Variants in COX16 observed in about 807,000 individuals in gnomAD.
The protein encoded by COX16 is cytochrome c oxidase assembly protein COX16 homolog, mitochondrial.
In COX16, 12 loss-of-function variants were observed where a neutral mutation model predicts 15.4. That is an observed-to-expected ratio of 0.78 (90% confidence interval 0.50 to 1.26). The LOEUF (loss-of-function observed/expected upper bound fraction) is 1.26, where lower values mean the gene tolerates loss of function less well. COX16 is among the 50% of genes most tolerant of loss of function. The pLI, the probability that COX16 is intolerant of heterozygous loss-of-function variation, is 0.00. For synonymous variants in COX16, 46 were observed against 41.1 expected, an observed-to-expected ratio of 1.12 and a Z score of -0.46; for missense variants, 124 against 127.6, an observed-to-expected ratio of 0.97 and a Z score of 0.14.
At chr14:70,355,557 C>G (rs1039952912) in intron 1 of COX16, among the ~76,000 whole-genome samples, 1 of 152,190 alleles carries the variant, frequency 6.6e-6, no homozygotes, top group African/African-American at 2.4e-5. Context: ...ACTGCAAAAT[C>G]TGGAACCTAA....
At chr14:70,358,382 T>TA (rs1566608588) in intron 1 of COX16, among the ~76,000 whole-genome samples, 15 of 146,492 alleles carry the variant, frequency 1.0e-4, no homozygotes, top group African/African-American at 3.7e-4. Flanking sequence ...TTTTTTTTTT[T>TA]TTTTTTTTTT....
chr14:70,343,919 T>G (rs1422071228), intron 1 of COX16, among the ~76,000 whole-genome samples: 2 of 152,118 alleles, frequency 1.3e-5, no homozygotes, highest in Non-Finnish European at 2.9e-5. Flanking sequence ...CTCAAATCAG[T>G]CTCCCCGAGC....
chr14:70,355,200 T>G (rs901155331), intron 1 of COX16, among the ~76,000 whole-genome samples: 1 of 152,198 alleles, frequency 6.6e-6, no homozygotes, highest in Non-Finnish European at 1.5e-5. Flanking sequence ...CAACCATCAA[T>G]GACATCCACA....
chr14:70,331,342 GA>G lies in COX16; in HGVS notation c.142-2107del, dbSNP rs773686850. Among the ~76,000 whole-genome samples, 72 of 150,654 alleles carry G rather than the reference GA, an allele frequency of 4.8e-4. 1 individual carries two copies. The highest frequency in any genetic ancestry group is 4.3e-4 in the Non-Finnish European group (29 of 67,126). ...ACTTAAGAAAATTTGTTTATCAAAA[GA>G]TACCATTAAGAAAGTGAAGACTAAA... On this transcript the variant is annotated intron_variant, in intron 2 of 3. Transcript: ENST00000389912.
chr14:70,341,605 G>A (rs1385858418), intron 2 of COX16, among the ~76,000 whole-genome samples: 1 of 152,132 alleles, frequency 6.6e-6, no homozygotes, highest in Non-Finnish European at 1.5e-5. Context: ...AGCCAACTTA[G>A]ATAAGCTTTA....
chr14:70,354,643 T>C (rs561345550), intron 1 of COX16, among the ~76,000 whole-genome samples: 1 of 152,264 alleles, frequency 6.6e-6, no homozygotes, highest in East Asian at 1.9e-4. Context: ...GACCTCGACA[T>C]ATGAGTCTCT....
intron 1 of COX16, among the ~76,000 whole-genome samples, chr14:70,358,648 C>A (rs932238041): frequency 2.6e-5 from 4 of 152,090 alleles, no homozygotes; most frequent in Non-Finnish European, 5.9e-5. Flanking sequence ...CTGGTAATTT[C>A]ATCTGCGCCA....
rs893948845 is a variant in COX16, at chr14:70,329,308, T to C, written c.142-72A>G. 9.8e-5 allele frequency: 138 copies of C among 1,412,262 alleles called. 1 individual carries two copies. The Admixed American group carries it at 2.7e-3, about 28-fold the overall frequency. The allele number at this position is 1,412,262 out of a possible 1,614,324, so 87.5% of individuals were successfully genotyped here. A position where few individuals can be genotyped will look rare whatever the true frequency, so the allele number is the denominator to read the frequency against. On this transcript the variant is annotated intron_variant, in intron 2 of 3. Coordinates refer to ENST00000389912, the MANE Select transcript of COX16 (RefSeq NM_016468.7). ...AGACTCAATTTTCAATTTTAAGTTA[T>C]AGAAGAGATGGCTGAAATACTATAG...
intron 2 of COX16, among the ~76,000 whole-genome samples, chr14:70,331,003 ATATTG>A (rs1425935592): frequency 6.6e-6 from 1 of 152,138 alleles, no homozygotes; most frequent in Non-Finnish European, 1.5e-5. Context: ...AGAATAAAAT[ATATTG>A]TATTGAACTT....
chr14:70,342,756 G>A (rs1411316170), intron 1 of COX16, 27 bp from the exon 2 acceptor site: 15 of 1,607,956 alleles, frequency 9.3e-6, no homozygotes, highest in Non-Finnish European at 1.3e-5. Flanking sequence ...AAACATTTAA[G>A]CAAAACAGAA....
chr14:70,334,142 T>C lies in COX16; in HGVS notation c.142-4906A>G, dbSNP rs145225010. 3.0e-3 allele frequency among the ~76,000 whole-genome samples: 454 copies of C among 152,342 alleles called. 3 individuals are homozygous for C. The highest frequency in any genetic ancestry group is 6.3e-3 in the Admixed American group (97 of 15,298). ...GCATGATATACTAATACTGCAATCA[T>C]GATGTTTAAATCACTTTTATCTTTA... On this transcript the variant is annotated intron_variant, in intron 2 of 3. Transcript: ENST00000389912.
rs1886057478 is a variant in COX16, at chr14:70,325,996, ATCAAAAT to A, written c.*330_*336del. On this transcript the variant is annotated 3_prime_UTR_variant, in exon 4 of 4. Transcript: ENST00000389912. ...AGAGAATCAGAAATCAGAATGAAAT[ATCAAAAT>A]GATGCCCTAATGGCTATTGCAAAAG... The A allele has an allele frequency of 6.4e-6, 1 of 155,384 alleles. No individual in the cohort carries two copies. Among genetic ancestry groups the A allele is most frequent in the African/African-American group, 2.4e-5 (1 of 41,582 alleles). 9.6% of individuals were successfully genotyped at this position (155,384 alleles called of 1,614,324 possible). A position where few individuals can be genotyped will look rare whatever the true frequency, so the allele number is the denominator to read the frequency against.
At chr14:70,350,563 A>G (rs1042976252) in intron 1 of COX16, among the ~76,000 whole-genome samples, 21 of 152,202 alleles carry the variant, frequency 1.4e-4, no homozygotes, top group African/African-American at 4.8e-4. Context: ...ATCTTCTCCT[A>G]TGCAAAGAAA....
chr14:70,357,782 A>AT (rs1887176261), intron 1 of COX16, among the ~76,000 whole-genome samples: 1 of 152,244 alleles, frequency 6.6e-6, no homozygotes. Context: ...ATTGAAAATC[A>AT]TATCTTGCTG....
At chr14:70,355,660 A>G (rs971666650) in intron 1 of COX16, among the ~76,000 whole-genome samples, 4 of 152,230 alleles carry the variant, frequency 2.6e-5, no homozygotes, top group Admixed American at 1.3e-4. Context: ...CTTAAATAGG[A>G]TATCATTTCC....
chr14:70,359,308 C>T (rs1308701399), intron 1 of COX16: 2 of 646,182 alleles, frequency 3.1e-6, no homozygotes, highest in South Asian at 3.0e-5. Context: ...CACCTGAAAT[C>T]CAACCGGGAG....
chr14:70,331,599 C>T (rs1022525214), intron 2 of COX16, among the ~76,000 whole-genome samples: 2 of 152,170 alleles, frequency 1.3e-5, no homozygotes, highest in African/African-American at 4.8e-5. Context: ...GTAACACACC[C>T]ACCAGAATGA....
chr14:70,333,535 G>A (rs1009406509), intron 2 of COX16, among the ~76,000 whole-genome samples: 24 of 152,182 alleles, frequency 1.6e-4, no homozygotes, highest in African/African-American at 4.3e-4. Flanking sequence ...TACACAGTAA[G>A]AAGAGAAAAA....
intron 1 of COX16, among the ~76,000 whole-genome samples, chr14:70,351,524 CTTGA>C (rs1397944155): frequency 1.3e-5 from 2 of 152,164 alleles, no homozygotes; most frequent in Non-Finnish European, 2.9e-5. Flanking sequence ...GCATTCACTT[CTTGA>C]TTTTCTTCTT....
Sources: gnomAD v4.1 joint callset for allele counts (sites outside exome capture counted in the v4.1 genomes callset) on GRCh38, gnomAD v4.1.1 for gene constraint, MANE v1.5 for transcripts, NCBI Gene and HGNC (gene_info 2026-07-23, HGNC 2026-07-21) for gene names.